NAV2: variants seen among roughly 807,000 people sequenced by gnomAD.
NAV2 encodes helicase, APC down-regulated 1.
Under a neutral mutation model 223.2 loss-of-function variants are expected in NAV2, and 54 were observed. That is an observed-to-expected ratio of 0.24 (90% CI 0.19 to 0.30). NAV2 has a LOEUF of 0.30. Among genes scored for constraint, NAV2 ranks in the 10% least tolerant of loss-of-function variants. The pLI is 1.00. For missense variants in NAV2, 2,806 were observed against 3,147.5 expected, an observed-to-expected ratio of 0.89 and a Z score of 2.60; for synonymous variants, 1,279 against 1,239.3, an observed-to-expected ratio of 1.03 and a Z score of -0.67.
chr11:19,873,569 G>C (rs1307362925), intron 4 of NAV2, among the ~76,000 whole-genome samples: 1 of 152,134 alleles, frequency 6.6e-6, no homozygotes, highest in African/African-American at 2.4e-5. Context: ...GATTAGCTTA[G>C]TCCTGGGTTT....
intron 11 of NAV2, among the ~76,000 whole-genome samples, chr11:20,018,183 G>T (rs1350559872): frequency 6.6e-6 from 1 of 151,958 alleles, no homozygotes; most frequent in Non-Finnish European, 1.5e-5. Flanking sequence ...ATGAAACTCA[G>T]TCTCTACTAA....
intron 2 of NAV2, 39 bp from the exon 3 acceptor site, chr11:19,842,832 C>G: frequency 1.2e-6 from 2 of 1,603,412 alleles, no homozygotes; most frequent in Non-Finnish European, 1.7e-6. Flanking sequence ...AAGTGTCTCT[C>G]TGGTGATTTA....
At chr11:19,815,758 T>A (rs1590698059) in intron 1 of NAV2, among the ~76,000 whole-genome samples, 1 of 152,316 alleles carries the variant, frequency 6.6e-6, no homozygotes, top group Middle Eastern at 3.4e-3. Flanking sequence ...GCTTCATCCA[T>A]GCAATGGGGA....
chr11:19,530,729 C>G (rs1348444072), intron 1 of NAV2, among the ~76,000 whole-genome samples: 2 of 152,208 alleles, frequency 1.3e-5, no homozygotes, highest in East Asian at 3.8e-4. Context: ...CGATAAAAAA[C>G]CAAGCACCTG....
At chr11:19,765,708 G>A (rs2055170235) in intron 1 of NAV2, among the ~76,000 whole-genome samples, 1 of 151,994 alleles carries the variant, frequency 6.6e-6, no homozygotes, top group East Asian at 1.9e-4. Context: ...GGGGCACACT[G>A]GTCACATTCT....
At chr11:19,540,831 GA>G (rs1396696846) in intron 1 of NAV2, among the ~76,000 whole-genome samples, 1 of 152,202 alleles carries the variant, frequency 6.6e-6, no homozygotes, top group East Asian at 1.9e-4. Flanking sequence ...AGGCAAGGTT[GA>G]AATGAGCTGT....
intron 1 of NAV2, among the ~76,000 whole-genome samples, chr11:19,678,200 C>T (rs1456964183): frequency 6.6e-6 from 1 of 152,192 alleles, no homozygotes; most frequent in Non-Finnish European, 1.5e-5. Context: ...CAATTGCTAA[C>T]TTTTGTGATT....
intron 1 of NAV2, among the ~76,000 whole-genome samples, chr11:19,553,335 T>C (rs1048749746): frequency 2.0e-5 from 3 of 152,220 alleles, no homozygotes; most frequent in African/African-American, 7.2e-5. Flanking sequence ...TGAGCAGGGC[T>C]CTCTGAAGTC....
At chr11:20,053,976 T>C in intron 17 of NAV2, 104 bp from the exon 18 acceptor site, 1 of 1,205,456 alleles carries the variant, frequency 8.3e-7, no homozygotes, top group South Asian at 1.5e-5. Flanking sequence ...AAAAATCATC[T>C]TCGGATATAT....
At chr11:19,471,760 A>G (rs1001323484) in intron 1 of NAV2, among the ~76,000 whole-genome samples, 4 of 152,188 alleles carry the variant, frequency 2.6e-5, no homozygotes, top group Non-Finnish European at 5.9e-5. Flanking sequence ...ACCGCTAAGT[A>G]AATCTAGTGG....
chr11:19,575,711 G>T (rs1490328310), intron 1 of NAV2, among the ~76,000 whole-genome samples: 1 of 152,164 alleles, frequency 6.6e-6, no homozygotes, highest in African/African-American at 2.4e-5. Context: ...TTGTGTTGGG[G>T]AGACTGAGTT....
intron 1 of NAV2, among the ~76,000 whole-genome samples, chr11:19,419,414 A>G (rs1000661972): frequency 6.6e-6 from 1 of 152,152 alleles, no homozygotes; most frequent in South Asian, 2.1e-4. Context: ...TGCAGGCAGA[A>G]CTTTTTTCCA....
intron 1 of NAV2, among the ~76,000 whole-genome samples, chr11:19,626,375 C>A (rs1393198734): frequency 6.6e-6 from 1 of 152,172 alleles, no homozygotes; most frequent in Non-Finnish European, 1.5e-5. Context: ...CTATTCCGTT[C>A]CACTGACCTA....
intron 1 of NAV2, among the ~76,000 whole-genome samples, chr11:19,499,824 A>G (rs202240745): frequency 1.3e-5 from 2 of 152,322 alleles, no homozygotes; most frequent in East Asian, 3.9e-4. Flanking sequence ...TAGAATATAA[A>G]TTCCCTGCAT....
intron 1 of NAV2, among the ~76,000 whole-genome samples, chr11:19,592,881 C>G (rs1414823245): frequency 6.6e-6 from 1 of 152,084 alleles, no homozygotes; most frequent in Non-Finnish European, 1.5e-5. Flanking sequence ...CAGGAAGTTG[C>G]AAAGATGGTA....
chr11:19,604,001 C>G (rs59290425), intron 1 of NAV2, among the ~76,000 whole-genome samples: 1,910 of 152,172 alleles, frequency 0.013, 47 homozygotes, highest in East Asian at 0.063. Context: ...GTTCAAGGAA[C>G]AGCAAGGAAG....
intron 12 of NAV2, among the ~76,000 whole-genome samples, chr11:20,041,908 A>G (rs900694331): frequency 6.6e-6 from 1 of 152,210 alleles, no homozygotes; most frequent in Non-Finnish European, 1.5e-5. Context: ...AAATTAGGTC[A>G]ATGTCTATAT....
chr11:19,408,303 G>T (rs181150157), intron 1 of NAV2, among the ~76,000 whole-genome samples: 2 of 152,298 alleles, frequency 1.3e-5, no homozygotes, highest in Admixed American at 1.3e-4. Context: ...CAGGGAAAGG[G>T]CAGGAAAGGG....
chr11:19,910,625 G>A (rs79378853), intron 6 of NAV2, among the ~76,000 whole-genome samples: 25,999 of 152,172 alleles, frequency 0.17, 2,472 homozygotes, highest in East Asian at 0.39. Context: ...TTGGGAGGCC[G>A]AGGCAGGCTG....
Sources: gnomAD v4.1 joint callset for allele counts (sites outside exome capture counted in the v4.1 genomes callset) on GRCh38, gnomAD v4.1.1 for gene constraint, MANE v1.5 for transcripts, NCBI Gene and HGNC (gene_info 2026-07-23, HGNC 2026-07-21) for gene names.